Variants in TXN observed in about 807,000 individuals in gnomAD.
TXN encodes the protein ADF.
Under a neutral mutation model 16.5 loss-of-function variants are expected in TXN, and 10 were observed. The ratio of observed to expected loss-of-function variants is 0.61; its 90% CI spans 0.37 to 1.03. The LOEUF (loss-of-function observed/expected upper bound fraction) is 1.03. Ranked by LOEUF, TXN falls within the 50% of genes least tolerant of loss-of-function variation. TXN has a pLI of 0.01. For synonymous variants in TXN, 35 were observed against 39.4 expected (o/e 0.89, Z 0.42); for missense variants, 71 against 122.5 (o/e 0.58, Z 1.98).
At chr9:110,245,645 TATATA>T (rs1262529279) in intron 3 of TXN, among the ~76,000 whole-genome samples, 496 of 33,344 alleles carry the variant, frequency 0.015, 12 homozygotes, top group Middle Eastern at 0.023. Flanking sequence ...TATATATATA[TATATA>T]TATATTTTTT....
At position 110,255,203 on chromosome 9, in the gene TXN, C is replaced by A. The variant is rs545486027; in HGVS notation, c.24+1209G>T. On this transcript the variant is annotated intron_variant, in intron 1 of 4. Transcript: ENST00000374517. ...AGGGCACCCGAGGCGGGCGAGGACC[C>A]GCCCTCCTCTGCTTCCCGCAGGTAG... 7.2e-4 allele frequency among the ~76,000 whole-genome samples: 110 copies of A among 152,350 alleles called. 1 individual carries two copies. In the Middle Eastern group the frequency reaches 0.017, roughly 24 times the overall value.
At position 110,251,426 on chromosome 9, in the gene TXN, T is replaced by G. The variant is rs749648542; in HGVS notation, c.61A>C (p.Lys21Gln). The G allele has an allele frequency of 6.2e-7, 1 of 1,612,042 alleles. No homozygotes were observed. The highest frequency in any genetic ancestry group is 1.1e-5 in the South Asian group (1 of 90,994). ...FQEALDAAGD[K>Q]LVVVDFSATW... ...GCTGAGAAGTCAACTACTACAAGTT[T>G]ATCACCTGCAGCGTCCAAGGCTTCC... The change falls in exon 2 of 5, where the codon AAA (lysine) becomes CAA (glutamine). Residue 21 changes from lysine to glutamine, a missense_variant. Coordinates refer to ENST00000374517, the MANE Select transcript of TXN (RefSeq NM_003329.4).
In TXN at chr9:110,256,456, G is replaced by A. The variant is rs753862932; in HGVS notation, c.-21C>T. ...ACCATCTTGGCTGCTGGAGTCTGAC[G>A]AGCGGCTGTAAGGACCGATGGAAAT... On this transcript the variant is annotated 5_prime_UTR_variant, in exon 1 of 5. Transcript: ENST00000374517. The surrounding 1 kb of genome is among the most constrained non-coding windows in gnomAD (Gnocchi z 4.2). 2 of 1,604,194 alleles carry A rather than the reference G, an allele frequency of 1.2e-6. No homozygotes were observed. Among genetic ancestry groups the A allele is most frequent in the South Asian group, 1.1e-5 (1 of 89,494 alleles).
At chr9:110,247,804 A>G (rs1837677731) in intron 3 of TXN, among the ~76,000 whole-genome samples, 1 of 152,186 alleles carries the variant, frequency 6.6e-6, no homozygotes, top group African/African-American at 2.4e-5. Context: ...TTTTAAAAAG[A>G]CAGTTACTAT....
At chr9:110,249,125 CAAAAAAAAAAAAAAAAAA>C (rs71302631) in intron 3 of TXN, among the ~76,000 whole-genome samples, 2 of 53,820 alleles carry the variant, frequency 3.7e-5, no homozygotes, top group Non-Finnish European at 6.6e-5. Context: ...AACTCCATCT[CAAAAAAAAAAAAAAAAAA>C]AAAAAAAAAA....
chr9:110,249,987 C>T (rs1837707845), intron 3 of TXN, among the ~76,000 whole-genome samples: 1 of 152,046 alleles, frequency 6.6e-6, no homozygotes, highest in Non-Finnish European at 1.5e-5. Context: ...GTAAAGGGCC[C>T]CGAAGTGATA....
chr9:110,251,843 C>T (rs1351522426), intron 1 of TXN, among the ~76,000 whole-genome samples: 1 of 152,108 alleles, frequency 6.6e-6, no homozygotes, highest in African/African-American at 2.4e-5. Context: ...ATATGGTAGA[C>T]ATTCATTAAA....
chr9:110,249,775 T>C (rs951766359), intron 3 of TXN, among the ~76,000 whole-genome samples: 2 of 152,172 alleles, frequency 1.3e-5, no homozygotes, highest in Admixed American at 6.5e-5. Flanking sequence ...TTATTGGATA[T>C]TCCATGTTTG....
intron 3 of TXN, among the ~76,000 whole-genome samples, chr9:110,248,458 C>G (rs1837684854): frequency 6.6e-6 from 1 of 152,182 alleles, no homozygotes; most frequent in African/African-American, 2.4e-5. Flanking sequence ...AGTAACATGC[C>G]TTACCTGTTT....
chr9:110,255,439 T>C (rs1837796725), intron 1 of TXN, among the ~76,000 whole-genome samples: 1 of 152,230 alleles, frequency 6.6e-6, no homozygotes, highest in Admixed American at 6.5e-5. Flanking sequence ...CTGTTTCGCC[T>C]TGGGCATTTT....
intron 3 of TXN, among the ~76,000 whole-genome samples, chr9:110,246,664 C>T (rs374589736): frequency 8.7e-4 from 132 of 152,256 alleles, no homozygotes; most frequent in Non-Finnish European, 1.5e-3. Context: ...AACACTATGA[C>T]GACCTCTAGG....
At chr9:110,253,322 C>T (rs4135183) in intron 1 of TXN, among the ~76,000 whole-genome samples, 15,997 of 152,022 alleles carry the variant, frequency 0.11, 1,009 homozygotes, top group Non-Finnish European at 0.14. Context: ...ATCCCTGAAC[C>T]CCACCTCTAG....
intron 3 of TXN, among the ~76,000 whole-genome samples, chr9:110,247,626 T>C (rs982372385): frequency 5.9e-5 from 9 of 152,246 alleles, no homozygotes; most frequent in African/African-American, 1.4e-4. Flanking sequence ...ACCTGCGGAA[T>C]AGCCATTCTT....
chr9:110,247,990 T>C (rs140229772), intron 3 of TXN, among the ~76,000 whole-genome samples: 35 of 152,292 alleles, frequency 2.3e-4, no homozygotes, highest in Non-Finnish European at 8.8e-5. Flanking sequence ...GGCTAATGTA[T>C]GTGTTTGAAT....
At position 110,256,023 on chromosome 9, in the gene TXN, T is replaced by G. The variant is rs960670525; in HGVS notation, c.24+389A>C. ...CTTCCATTCCCTCATCTTCCTCCAG[T>G]CGGGGCTGCCCGGACGGGAGGGTGC... On this transcript the variant is annotated intron_variant, in intron 1 of 4. Transcript: ENST00000374517. This position sits in a 1 kb window ranked among gnomAD's most constrained non-coding sequence, Gnocchi z 4.2. Among the ~76,000 whole-genome samples, 1 of 152,106 alleles carries G rather than the reference T, an allele frequency of 6.6e-6. No homozygotes were observed. Among genetic ancestry groups the G allele is most frequent in the Non-Finnish European group, 1.5e-5 (1 of 67,966 alleles).
In TXN at chr9:110,244,814, G is replaced by A; in HGVS notation, c.219C>T (p.Cys73=). The part of the protein sequence containing the change: ...QDVASECEVK[C]MPTFQFFKKG... ...TCTTAAAAAACTGGAATGTTGGCATGCATTTGACTTCACACTCTGAAGCAA... is the reference window on the plus strand; with the variant it reads ...TCTTAAAAAACTGGAATGTTGGCATACATTTGACTTCACACTCTGAAGCAA... The change falls in exon 4 of 5, where the codon TGC becomes TGT. Residue 73 remains cysteine (C), a synonymous_variant. Transcript: ENST00000374517. The A allele has an allele frequency of 6.2e-7, 1 of 1,612,984 alleles. No homozygotes were observed. Among genetic ancestry groups the A allele is most frequent in the Non-Finnish European group, 8.5e-7 (1 of 1,179,220 alleles).
At chr9:110,251,563 CCTTTCAGGACCTA>C in intron 1 of TXN, 101 bp from the exon 2 acceptor site, 1 of 202,518 alleles carries the variant, frequency 4.9e-6, no homozygotes, top group African/African-American at 2.8e-5. Context: ...TGGAGGTCCT[CCTTTCAGGACCTA>C]CTTTTTAGCC....
At position 110,244,025 on chromosome 9, in the gene TXN, G is replaced by C; in HGVS notation, c.*132C>G. On this transcript the variant is annotated 3_prime_UTR_variant, in exon 5 of 5. Transcript: ENST00000374517. The stretch of plus-strand genomic sequence containing the variant: ...TTCAGACATGAGACGGTTTTAAAAA[G>C]TGTTAGCATTAATGTTTTATTGTCA... 2.6e-6 allele frequency: 1 copy of C among 384,518 alleles called. No homozygotes were observed. The highest frequency in any genetic ancestry group is 4.7e-6 in the Non-Finnish European group (1 of 212,560). 23.8% of individuals were successfully genotyped at this position (384,518 alleles called of 1,614,324 possible). A position where few individuals can be genotyped will look rare whatever the true frequency, so the allele number is the denominator to read the frequency against.
intron 1 of TXN, among the ~76,000 whole-genome samples, chr9:110,253,413 G>C (rs550275943): frequency 6.6e-6 from 1 of 152,228 alleles, no homozygotes; most frequent in East Asian, 1.9e-4. Flanking sequence ...TATTGTTCCA[G>C]ATCAATTTCA....
Sources: gnomAD v4.1 joint callset for allele counts (sites outside exome capture counted in the v4.1 genomes callset) on GRCh38, gnomAD v4.1.1 for gene constraint, Gnocchi (gnomAD v3.1) non-coding constraint, MANE v1.5 for transcripts, NCBI Gene and HGNC (gene_info 2026-07-23, HGNC 2026-07-21) for gene names.